Variants in COL19A1 observed in about 807,000 individuals in gnomAD.
The protein encoded by COL19A1 is collagen alpha-1(XIX) chain.
COL19A1 carries 159 observed loss-of-function variants against 190.2 expected under a neutral mutation model. The ratio of observed to expected loss-of-function variants is 0.84; its 90% CI spans 0.73 to 0.95. COL19A1 has a LOEUF of 0.95. Ranked by LOEUF, COL19A1 falls within the 40% of genes least tolerant of loss-of-function variation. The pLI is 0.00. For synonymous variants in COL19A1, 509 were observed against 458.9 expected, an observed-to-expected ratio of 1.11 and a Z score of -1.39; for missense variants, 1,418 against 1,431.9, an observed-to-expected ratio of 0.99 and a Z score of 0.16.
In COL19A1 at chr6:70,207,405, T is replaced by A; in HGVS notation, c.*131T>A. On this transcript the variant is annotated 3_prime_UTR_variant, in exon 51 of 51. Coordinates refer to ENST00000620364, the MANE Select transcript of COL19A1 (RefSeq NM_001858.6). ...TTTTTTTTGGGAGTAAGCCAGGCAT[T>A]AAAAGCAACCGTTTGAATCCTATTC... The A allele has an allele frequency of 1.1e-6, 1 of 913,342 alleles. No individual in the cohort carries two copies. The highest frequency in any genetic ancestry group is 1.5e-6 in the Non-Finnish European group (1 of 657,068). 56.6% of individuals were successfully genotyped at this position (913,342 alleles called of 1,614,324 possible). A position where few individuals can be genotyped will look rare whatever the true frequency, so the allele number is the denominator to read the frequency against.
chr6:70,142,825 G>A lies in COL19A1; in HGVS notation c.1626+5G>A. 1.9e-6 allele frequency: 3 copies of A among 1,610,238 alleles called. No individual in the cohort carries two copies. Among genetic ancestry groups the A allele is most frequent in the Admixed American group, 3.4e-5 (2 of 59,604 alleles). ...AGAGGACCGCCAGGAGATGTTGTAT[G>A]TATAATGTCTTTGATATTTCTGGAA... On this transcript the variant is annotated splice_donor_5th_base_variant and intron_variant, in intron 23 of 50. Transcript: ENST00000620364.
At chr6:70,190,923 T>C (rs1190445991) in intron 48 of COL19A1, among the ~76,000 whole-genome samples, 2 of 152,186 alleles carry the variant, frequency 1.3e-5, no homozygotes, top group Non-Finnish European at 2.9e-5. Flanking sequence ...TGGGAGCGAG[T>C]TATATTTTTA....
At chr6:70,122,633 G>A (rs1169547654) in intron 17 of COL19A1, among the ~76,000 whole-genome samples, 1 of 152,160 alleles carries the variant, frequency 6.6e-6, no homozygotes, top group African/African-American at 2.4e-5. Flanking sequence ...AGGATACCTT[G>A]TATACATAAT....
intron 19 of COL19A1, among the ~76,000 whole-genome samples, chr6:70,139,916 G>A (rs1255036625): frequency 6.8e-6 from 1 of 147,716 alleles, no homozygotes; most frequent in South Asian, 2.1e-4. Context: ...AGGCTCCCGG[G>A]TTTTTCTCTT....
At chr6:70,066,606 A>G (rs1213675417) in intron 14 of COL19A1, among the ~76,000 whole-genome samples, 1 of 151,944 alleles carries the variant, frequency 6.6e-6, no homozygotes, top group Admixed American at 6.6e-5. Context: ...ATAAAACTAT[A>G]TATATATAAA....
In COL19A1 at chr6:70,199,742, T is replaced by A; in HGVS notation, c.3223+6T>A. 1 of 1,599,028 alleles carries A rather than the reference T, an allele frequency of 6.3e-7. No individual in the cohort carries two copies. Among genetic ancestry groups the A allele is most frequent in the Non-Finnish European group, 8.5e-7 (1 of 1,173,364 alleles). ...AGGAGACCCTGGACCCCAAGGTAAG[T>A]CTTCAAGTGTAATATTGGCTTATTG... On this transcript the variant is annotated splice_donor_region_variant and intron_variant, in intron 49 of 50. Coordinates refer to ENST00000620364, the MANE Select transcript of COL19A1 (RefSeq NM_001858.6).
intron 14 of COL19A1, among the ~76,000 whole-genome samples, chr6:70,064,717 G>A (rs1393843787): frequency 6.6e-5 from 10 of 152,120 alleles, no homozygotes; most frequent in Admixed American, 2.0e-4. Context: ...AAACCCCATC[G>A]TCTCAGCCCA....
intron 9 of COL19A1, among the ~76,000 whole-genome samples, chr6:69,958,915 G>A (rs1774597047): frequency 1.3e-5 from 2 of 152,258 alleles, no homozygotes; most frequent in East Asian, 1.9e-4. Context: ...TCAAATAAAT[G>A]ATAGCTAATT....
rs2150294606 is a variant in COL19A1 at position 70,188,161 on chromosome 6, T to C, written c.2943T>C (p.Pro981=). The change falls in exon 47 of 51, where the codon CCT becomes CCC. Residue 981 remains proline, a synonymous_variant. Coordinates refer to ENST00000620364, the MANE Select transcript of COL19A1 (RefSeq NM_001858.6). Reference sequence around the variant, plus strand: ...CAGGCATGAAGGGGGCCATCGGTCCTATGGGTCCACCAGGAAACAAGGGCT... The same window carrying C: ...CAGGCATGAAGGGGGCCATCGGTCCCATGGGTCCACCAGGAAACAAGGGCT... ...GLTGMKGAIG[P]MGPPGNKGSM... is the part of the protein sequence containing the mutation. 3 of 1,614,006 alleles carry C rather than the reference T, an allele frequency of 1.9e-6. No homozygotes were observed. The highest frequency in any genetic ancestry group is 2.5e-6 in the Non-Finnish European group (3 of 1,179,920).
At chr6:70,183,098 T>C (rs1391140983) in intron 44 of COL19A1, among the ~76,000 whole-genome samples, 1 of 151,748 alleles carries the variant, frequency 6.6e-6, no homozygotes, top group Non-Finnish European at 1.5e-5. Context: ...TGTGAAAGAG[T>C]ACTTTTGGAG....
chr6:69,999,343 C>T (rs113922331), intron 11 of COL19A1, among the ~76,000 whole-genome samples: 8,680 of 152,040 alleles, frequency 0.057, 823 homozygotes, highest in African/African-American at 0.19. Flanking sequence ...CAAACCTAGG[C>T]ATCAAGGTGA....
intron 49 of COL19A1, among the ~76,000 whole-genome samples, chr6:70,202,744 G>A (rs1767627675): frequency 6.6e-6 from 1 of 152,190 alleles, no homozygotes; most frequent in Non-Finnish European, 1.5e-5. Context: ...GAAAGCTTGA[G>A]GATCCGCCTT....
intron 31 of COL19A1, among the ~76,000 whole-genome samples, chr6:70,152,461 ATATAT>A (rs1787125082): frequency 6.6e-6 from 1 of 152,206 alleles, no homozygotes; most frequent in South Asian, 2.1e-4. Context: ...AAATATAAAA[ATATAT>A]TAAAGGAGTT....
rs55681900 is a variant in COL19A1 at position 70,210,987 on chromosome 6, T to C, written c.*3713T>C. Among the ~76,000 whole-genome samples, 70 of 152,246 alleles carry C rather than the reference T, an allele frequency of 4.6e-4. No homozygotes were observed. The highest frequency in any genetic ancestry group is 1.7e-3 in the African/African-American group (69 of 41,562). On this transcript the variant is annotated 3_prime_UTR_variant, in exon 51 of 51. Transcript: ENST00000620364. ...TAACTGTTTATACACCACTCTCATATTTTAGTGATCAATATGAAGACAGCT... is the reference window on the plus strand; with the variant it reads ...TAACTGTTTATACACCACTCTCATACTTTAGTGATCAATATGAAGACAGCT...
chr6:69,976,707 C>G (rs1156413794), intron 11 of COL19A1, among the ~76,000 whole-genome samples: 1 of 152,086 alleles, frequency 6.6e-6, no homozygotes, highest in Non-Finnish European at 1.5e-5. Context: ...GTTTAAGGAA[C>G]CACATGGAGT....
In COL19A1 at chr6:70,212,119, A is replaced by G. The variant is rs1010432748; in HGVS notation, c.*4845A>G. Reference sequence around the variant, plus strand: ...CTGGGTGTAAGTAAAGATGCTGGCTATTTTACAACTTTTTATTGTATTGTG... The same window carrying G: ...CTGGGTGTAAGTAAAGATGCTGGCTGTTTTACAACTTTTTATTGTATTGTG... On this transcript the variant is annotated 3_prime_UTR_variant, in exon 51 of 51. Transcript: ENST00000620364. Among the ~76,000 whole-genome samples, 2 of 152,118 alleles carry G rather than the reference A, an allele frequency of 1.3e-5. No individual in the cohort carries two copies. The highest frequency in any genetic ancestry group is 2.1e-4 in the South Asian group (1 of 4,822).
intron 9 of COL19A1, among the ~76,000 whole-genome samples, chr6:69,942,772 A>G (rs896871041): frequency 2.1e-5 from 2 of 96,694 alleles, no homozygotes; most frequent in South Asian, 3.5e-4. Flanking sequence ...GTGTGTGTGT[A>G]TAAAACATTT....
In COL19A1 at chr6:70,137,685, G is replaced by A. The variant is rs892098453; in HGVS notation, c.1384G>A (p.Gly462Ser). ...HEAGGLKGDK[G>S]ETGLPGFPGS... ...TCTCTCTTCTGCTTTGTCTTGAAAGGGTGAAACTGGACTACCAGGATTTCC... is the reference window on the plus strand; with the variant it reads ...TCTCTCTTCTGCTTTGTCTTGAAAGAGTGAAACTGGACTACCAGGATTTCC... The change falls in exon 19 of 51, where the codon GGT (glycine) becomes AGT (serine). Residue 462 changes from glycine (G) to serine (S), a missense_variant and splice_region_variant. Physicochemically the swap from Gly to Ser is moderately conservative, Grantham distance 56 (BLOSUM62 0). Coordinates refer to ENST00000620364, the MANE Select transcript of COL19A1 (RefSeq NM_001858.6). 1.9e-6 allele frequency: 3 copies of A among 1,613,132 alleles called. No homozygotes were observed. Among genetic ancestry groups the A allele is most frequent in the Admixed American group, 1.7e-5 (1 of 59,976 alleles).
chr6:69,896,522 C>T (rs1049791213), intron 2 of COL19A1, among the ~76,000 whole-genome samples: 11 of 113,402 alleles, frequency 9.7e-5, no homozygotes, highest in South Asian at 6.0e-4. Context: ...CCGGCCTGGG[C>T]GACAGAGCGA....
Sources: allele counts gnomAD v4.1 joint callset (sites outside exome capture counted in the v4.1 genomes callset), GRCh38; gene constraint gnomAD v4.1.1; transcripts MANE v1.5; gene names NCBI Gene and HGNC (gene_info 2026-07-23, HGNC 2026-07-21).